The following CSMD1 variants were observed in gnomAD, a reference collection of about 807,000 sequenced individuals.
CSMD1 encodes CUB and Sushi multiple domains 1.
Under a neutral mutation model 417.5 loss-of-function variants are expected in CSMD1, and 213 were observed. The observed-to-expected ratio is 0.51, with a 90% confidence interval of 0.46 to 0.57. The LOEUF (loss-of-function observed/expected upper bound fraction) is 0.57, where lower values mean the gene tolerates loss of function less well. CSMD1 is among the 20% of genes least tolerant of loss of function. The pLI is 0.00. For missense variants in CSMD1, 6,923 were observed against 4,529.7 expected, an observed-to-expected ratio of 1.53 and a Z score of -15.17; for synonymous variants, 2,862 against 1,736.8, an observed-to-expected ratio of 1.65 and a Z score of -16.11.
At chr8:3,371,249 G>A (rs957699777) in intron 18 of CSMD1, among the ~76,000 whole-genome samples, 2 of 152,128 alleles carry the variant, frequency 1.3e-5, no homozygotes, top group Admixed American at 6.5e-5. Flanking sequence ...CTGTTTCTCT[G>A]GAGCACACTG....
chr8:3,969,814 C>T (rs945980066), intron 5 of CSMD1, among the ~76,000 whole-genome samples: 3 of 152,068 alleles, frequency 2.0e-5, no homozygotes, highest in Non-Finnish European at 4.4e-5. Flanking sequence ...AAGAGAAAGA[C>T]GGGGAGATTT....
chr8:4,295,846 T>C (rs1037639156), intron 3 of CSMD1, among the ~76,000 whole-genome samples: 1 of 148,304 alleles, frequency 6.7e-6, no homozygotes, highest in African/African-American at 2.5e-5. Flanking sequence ...AAATTTCAGA[T>C]TTCTTCAACC....
At chr8:3,274,248 T>C in intron 26 of CSMD1, among the ~76,000 whole-genome samples, 1 of 152,022 alleles carries the variant, frequency 6.6e-6, no homozygotes, top group South Asian at 2.1e-4. Context: ...TTGAGTGAGA[T>C]TCTTAATCCT....
intron 2 of CSMD1, among the ~76,000 whole-genome samples, chr8:4,593,621 T>A (rs1303499861): frequency 6.6e-6 from 1 of 152,166 alleles, no homozygotes; most frequent in South Asian, 2.1e-4. Context: ...ATTTTTATGA[T>A]TTTTGTGATC....
At chr8:3,757,261 G>A (rs531925506) in intron 5 of CSMD1, among the ~76,000 whole-genome samples, 1 of 152,282 alleles carries the variant, frequency 6.6e-6, no homozygotes, top group East Asian at 1.9e-4. Context: ...GGATATTTCT[G>A]TAAAGGGCCA....
intron 5 of CSMD1, among the ~76,000 whole-genome samples, chr8:3,756,593 G>A (rs777523321): frequency 3.3e-5 from 5 of 152,024 alleles, no homozygotes; most frequent in Non-Finnish European, 5.9e-5. Flanking sequence ...ATACTGCACT[G>A]ATATTTATTC....
intron 2 of CSMD1, among the ~76,000 whole-genome samples, chr8:4,576,541 C>T (rs925627720): frequency 4.6e-5 from 7 of 152,174 alleles, no homozygotes; most frequent in African/African-American, 1.7e-4. Context: ...CAAGGACTGT[C>T]TCTCACCTTT....
At chr8:4,352,475 C>T (rs900891313) in intron 3 of CSMD1, among the ~76,000 whole-genome samples, 3 of 152,028 alleles carry the variant, frequency 2.0e-5, no homozygotes, top group African/African-American at 7.3e-5. Context: ...AAATATTCTC[C>T]AGAACATATT....
chr8:4,195,733 C>T (rs1249985962), intron 3 of CSMD1, among the ~76,000 whole-genome samples: 2 of 152,260 alleles, frequency 1.3e-5, no homozygotes, highest in South Asian at 2.1e-4. Flanking sequence ...GACAGCAAAA[C>T]GTCGGGGCTC....
chr8:3,502,356 C>A (rs1462241098), intron 10 of CSMD1, among the ~76,000 whole-genome samples: 5 of 113,630 alleles, frequency 4.4e-5, no homozygotes, highest in Non-Finnish European at 6.9e-5. Flanking sequence ...CAGACCGAGA[C>A]TTCATCTCAA....
chr8:4,026,767 A>C (rs1414291685), intron 4 of CSMD1, among the ~76,000 whole-genome samples: 1 of 152,198 alleles, frequency 6.6e-6, no homozygotes, highest in East Asian at 1.9e-4. Flanking sequence ...ATGATAACTA[A>C]AATTTAGATT....
At chr8:3,779,953 A>G (rs775836019) in intron 5 of CSMD1, among the ~76,000 whole-genome samples, 5 of 152,198 alleles carry the variant, frequency 3.3e-5, no homozygotes, top group Admixed American at 3.3e-4. Flanking sequence ...GCTGAAAACT[A>G]AGAAAGCTTA....
chr8:3,759,111 C>G (rs1797842651), intron 5 of CSMD1, among the ~76,000 whole-genome samples: 1 of 152,174 alleles, frequency 6.6e-6, no homozygotes, highest in African/African-American at 2.4e-5. Context: ...ATTTACTGAA[C>G]ATAATAAACA....
At chr8:4,131,303 C>A (rs1803088225) in intron 3 of CSMD1, among the ~76,000 whole-genome samples, 2 of 152,162 alleles carry the variant, frequency 1.3e-5, no homozygotes, top group African/African-American at 4.8e-5. Flanking sequence ...CACAGAGCTT[C>A]CTGTAATGTG....
intron 3 of CSMD1, among the ~76,000 whole-genome samples, chr8:4,236,080 T>C (rs1469220718): frequency 6.7e-6 from 1 of 150,044 alleles, no homozygotes; most frequent in Non-Finnish European, 1.5e-5. Context: ...GTAATTTCAT[T>C]TTTTCCAGGT....
chr8:4,539,006 C>A (rs1450181581), intron 2 of CSMD1, among the ~76,000 whole-genome samples: 2 of 152,176 alleles, frequency 1.3e-5, no homozygotes, highest in Admixed American at 6.5e-5. Flanking sequence ...AATAAAATAA[C>A]CTACTCCCTT....
intron 3 of CSMD1, among the ~76,000 whole-genome samples, chr8:4,306,758 T>G (rs1394475): frequency 0.76 from 114,768 of 151,788 alleles, 43,520 homozygotes; most frequent in East Asian, 0.85. Context: ...AGGGTAGTGT[T>G]CTGGTGCGAG....
chr8:3,267,152 A>C (rs1436026574), intron 26 of CSMD1, among the ~76,000 whole-genome samples: 2 of 152,246 alleles, frequency 1.3e-5, no homozygotes, highest in South Asian at 2.1e-4. Context: ...AGCCAGCGGG[A>C]ATGTCTGCTG....
chr8:4,674,246 G>A (rs1805532048), intron 1 of CSMD1, among the ~76,000 whole-genome samples: 2 of 152,172 alleles, frequency 1.3e-5, no homozygotes, highest in South Asian at 4.1e-4. Flanking sequence ...GTGGTCCTGA[G>A]TTGAAAAAAG....
Sources: gnomAD v4.1 joint callset for allele counts (sites outside exome capture counted in the v4.1 genomes callset) on GRCh38, gnomAD v4.1.1 for gene constraint, MANE v1.5 for transcripts, NCBI Gene and HGNC (gene_info 2026-07-23, HGNC 2026-07-21) for gene names.